The following BEND7 variants were observed in gnomAD, a reference collection of about 807,000 sequenced individuals.
BEND7 encodes the protein BEN domain-containing protein 7.
A neutral mutation model predicts 50.9 loss-of-function variants in BEND7; 28 were observed. The ratio of observed to expected loss-of-function variants is 0.55; its 90% CI spans 0.41 to 0.75. The LOEUF (loss-of-function observed/expected upper bound fraction) is 0.75. Among genes scored for constraint, BEND7 ranks in the 30% least tolerant of loss-of-function variants. BEND7 has a pLI of 0.00. For missense variants in BEND7, 477 were observed against 491.3 expected, an observed-to-expected ratio of 0.97 and a Z score of 0.28; for synonymous variants, 170 against 183.9, an observed-to-expected ratio of 0.92 and a Z score of 0.61.
intron 5 of BEND7, among the ~76,000 whole-genome samples, chr10:13,482,104 C>A (rs910745381): frequency 2.6e-5 from 4 of 152,178 alleles, no homozygotes; most frequent in African/African-American, 9.7e-5. Flanking sequence ...CTATTTCTTA[C>A]ACTGTATTAG....
rs199693715 is a variant in BEND7 at position 13,447,255 on chromosome 10, G to A, written c.1234+11C>T. Reference sequence around the variant, plus strand: ...CAGGAGGTGATGAAAATGTAAATGCGTTTTATTTACCTGTTGGTGGTAGAG... The same window carrying A: ...CAGGAGGTGATGAAAATGTAAATGCATTTTATTTACCTGTTGGTGGTAGAG... On this transcript the variant is annotated intron_variant, in intron 8 of 8. Coordinates refer to ENST00000466271, the MANE Select transcript of BEND7 (RefSeq NM_001369863.1). 2.0e-5 allele frequency: 32 copies of A among 1,613,378 alleles called. No homozygotes were observed. The highest frequency in any genetic ancestry group is 8.3e-5 in the Admixed American group (5 of 59,960).
At chr10:13,439,522 T>A (rs1475816314), downstream of BEND7, 1 of 1,562,610 alleles carries the variant, frequency 6.4e-7, no homozygotes, top group Non-Finnish European at 8.7e-7. Context: ...AATGAGTGAA[T>A]GAATGAATGA....
intron 6 of BEND7, among the ~76,000 whole-genome samples, chr10:13,475,468 T>C (rs893055661): frequency 2.0e-4 from 31 of 152,380 alleles, no homozygotes; most frequent in African/African-American, 7.2e-4. Flanking sequence ...TGGTTCTATG[T>C]ACTGAAGAGT....
At chr10:13,442,012 G>C (rs1835398596) in intron 8 of BEND7, 2 of 488,506 alleles carry the variant, frequency 4.1e-6, no homozygotes, top group South Asian at 3.1e-5. Flanking sequence ...GGTCTTTGGT[G>C]GAACAGGGAT....
At chr10:13,526,462 C>G (rs916172702) in intron 1 of BEND7, among the ~76,000 whole-genome samples, 3 of 152,186 alleles carry the variant, frequency 2.0e-5, no homozygotes, top group Non-Finnish European at 2.9e-5. Flanking sequence ...CTTGATCACA[C>G]CATGTTCACG....
intron 2 of BEND7, among the ~76,000 whole-genome samples, chr10:13,524,597 T>C (rs964976144): frequency 1.0e-4 from 14 of 137,064 alleles, no homozygotes; most frequent in Non-Finnish European, 2.0e-4. Context: ...TGAGCCGAGA[T>C]CATGCCATTG....
intron 7 of BEND7, among the ~76,000 whole-genome samples, chr10:13,448,120 T>TTTAAAATGCAAACC (rs1836825235): frequency 6.6e-6 from 1 of 152,200 alleles, no homozygotes; most frequent in Admixed American, 6.5e-5. Context: ...ATTTCTAAGT[T>TTTAAAATGCAAACC]TTAAAATGCA....
At chr10:13,475,942 G>A (rs989869318) in intron 6 of BEND7, among the ~76,000 whole-genome samples, 1 of 152,106 alleles carries the variant, frequency 6.6e-6, no homozygotes, top group African/African-American at 2.4e-5. Context: ...ATCAACATTG[G>A]AGGGGTACTC....
At chr10:13,483,524 C>T (rs898161888) in intron 5 of BEND7, among the ~76,000 whole-genome samples, 40 of 152,192 alleles carry the variant, frequency 2.6e-4, no homozygotes, top group African/African-American at 9.2e-4. Context: ...TGTTGATTCA[C>T]AGATCTTTTA....
At chr10:13,511,617 C>T (rs916752648) in intron 2 of BEND7, among the ~76,000 whole-genome samples, 2 of 152,114 alleles carry the variant, frequency 1.3e-5, no homozygotes, top group Non-Finnish European at 2.9e-5. Context: ...CATGCTAAGG[C>T]CACTTTCTCT....
intron 5 of BEND7, among the ~76,000 whole-genome samples, chr10:13,488,497 CT>C (rs373175226): frequency 2.6e-5 from 4 of 150,998 alleles, no homozygotes; most frequent in African/African-American, 4.9e-5. Context: ...TTCTTTTTTT[CT>C]TTTTTTTTGA....
intron 5 of BEND7, among the ~76,000 whole-genome samples, chr10:13,481,491 A>T (rs2131739332): frequency 6.6e-6 from 1 of 152,328 alleles, no homozygotes; most frequent in South Asian, 2.1e-4. Flanking sequence ...ATCATAAAAA[A>T]AAAGATTGAG....
At chr10:13,468,435 G>A (rs1360717637) in intron 6 of BEND7, among the ~76,000 whole-genome samples, 1 of 152,190 alleles carries the variant, frequency 6.6e-6, no homozygotes, top group Non-Finnish European at 1.5e-5. Flanking sequence ...GCTCACCCGG[G>A]AGGAAGCACC....
intron 2 of BEND7, among the ~76,000 whole-genome samples, chr10:13,513,763 C>G (rs1439938584): frequency 1.3e-5 from 2 of 152,204 alleles, no homozygotes; most frequent in Non-Finnish European, 2.9e-5. Context: ...CCATGGAGTG[C>G]CAATATCCCC....
At chr10:13,442,829 G>A (rs1227058729) in intron 8 of BEND7, 1 of 152,120 alleles carries the variant, frequency 6.6e-6, no homozygotes, top group African/African-American at 2.4e-5. Context: ...TATTTGGGGG[G>A]CACTGACGTC....
At chr10:13,528,265 C>T (rs1004950804) in intron 1 of BEND7, among the ~76,000 whole-genome samples, 50 of 152,090 alleles carry the variant, frequency 3.3e-4, no homozygotes, top group Middle Eastern at 3.4e-3. Flanking sequence ...GACTTGTTTA[C>T]GTTAAATAAC....
At chr10:13,443,067 C>T (rs535462136) in intron 8 of BEND7, 1 of 152,280 alleles carries the variant, frequency 6.6e-6, no homozygotes, top group African/African-American at 2.4e-5. Flanking sequence ...GAAGAGAGAA[C>T]CACTTCTTTA....
At chr10:13,457,207 A>G (rs1340163740) in intron 6 of BEND7, among the ~76,000 whole-genome samples, 2 of 152,224 alleles carry the variant, frequency 1.3e-5, no homozygotes, top group Non-Finnish European at 2.9e-5. Context: ...AACAAAGTGG[A>G]TTTGGACTAT....
At chr10:13,450,135 A>G (rs1366473228) in intron 7 of BEND7, among the ~76,000 whole-genome samples, 1 of 152,232 alleles carries the variant, frequency 6.6e-6, no homozygotes, top group East Asian at 1.9e-4. Flanking sequence ...GACAGCCCCA[A>G]ATGAATTTCT....
Sources: gnomAD v4.1 joint callset for allele counts (sites outside exome capture counted in the v4.1 genomes callset) on GRCh38, gnomAD v4.1.1 for gene constraint, MANE v1.5 for transcripts, NCBI Gene and HGNC (gene_info 2026-07-23, HGNC 2026-07-21) for gene names.